The following ANK3 variants were observed in gnomAD, a reference collection of about 807,000 sequenced individuals.
The protein encoded by ANK3 is ankyrin-3.
ANK3 carries 57 observed loss-of-function variants against 370.9 expected under a neutral mutation model. The observed-to-expected ratio is 0.15, with a 90% CI of 0.12 to 0.19. ANK3 has a LOEUF of 0.19. Ranked by LOEUF, ANK3 falls within the 10% of genes least tolerant of loss-of-function variation. ANK3 has a pLI of 1.00. For synonymous variants in ANK3, 1,929 were observed against 1,946.3 expected, an observed-to-expected ratio of 0.99 and a Z score of 0.23; for missense variants, 4,439 against 5,302.1, an observed-to-expected ratio of 0.84 and a Z score of 5.06.
At position 60,584,286 on chromosome 10, in the gene ANK3, G is replaced by A. The variant is rs146269157; in HGVS notation, c.96+30900C>T. On this transcript the variant is annotated intron_variant, in intron 2 of 43. Coordinates refer to the ANK3 transcript ENST00000373827. ...AATAGCTATCTGGTGTCAAAACTAC[G>A]TCATCAAAATGTCCTTAGCATTTTG... 6.0e-4 allele frequency among the ~76,000 whole-genome samples: 92 copies of A among 152,222 alleles called. 1 individual carries two copies. The highest frequency in any genetic ancestry group is 1.9e-3 in the African/African-American group (77 of 41,518).
At position 60,544,710 on chromosome 10, in the gene ANK3, T is replaced by A. The variant is rs2076922618; in HGVS notation, c.96+70476A>T. 2.0e-5 allele frequency among the ~76,000 whole-genome samples: 3 copies of A among 152,174 alleles called. No homozygotes were observed. The South Asian group carries it at 6.2e-4, about 32-fold the overall frequency. ...GTAAAATTAGTAAGTTCTAGCCATA[T>A]TCTCTCATTTATAAGGCTGTCTTGA... On this transcript the variant is annotated intron_variant, in intron 2 of 43. Transcript: ENST00000373827.
In ANK3 at chr10:60,073,738, A is replaced by C; in HGVS notation, c.7143T>G (p.Asp2381Glu). Residue 2381 changes from aspartate to glutamate, a missense_variant, in exon 37 of 44, where the codon GAT (aspartate) becomes GAG (glutamate). By Grantham distance (45) the Asp-to-Glu change is conservative. Transcript: ENST00000280772. Reference protein sequence around the residue: ...NLKDFLPEKHDAFPCSEEQGQ... With the variant: ...NLKDFLPEKHEAFPCSEEQGQ... ...CCTGTTCCTCTGAACAAGGAAAAGC[A>C]TCGTGTTTTTCTGGCAGAAAATCTT... is the stretch of plus-strand genomic sequence containing the variant. 1 of 1,613,972 alleles carries C rather than the reference A, an allele frequency of 6.2e-7. No individual in the cohort carries two copies. Among genetic ancestry groups the C allele is most frequent in the South Asian group, 1.1e-5 (1 of 91,084 alleles).
chr10:60,104,990 G>T (rs2091961646), intron 28 of ANK3, among the ~76,000 whole-genome samples: 1 of 152,090 alleles, frequency 6.6e-6, no homozygotes, highest in South Asian at 2.1e-4. Flanking sequence ...TCGCTCCTTT[G>T]TTCACACCTT....
At chr10:60,383,857 T>C (rs1211087933) in intron 1 of ANK3, among the ~76,000 whole-genome samples, 1 of 152,202 alleles carries the variant, frequency 6.6e-6, no homozygotes. Context: ...GGAAAGCCTG[T>C]AAAACATCAG....
chr10:60,072,470 G>C lies in ANK3; in HGVS notation c.8411C>G (p.Ser2804Cys). The C allele has an allele frequency of 6.2e-7, 1 of 1,614,018 alleles. No homozygotes were observed. The highest frequency in any genetic ancestry group is 1.7e-4 in the Middle Eastern group (1 of 6,060). ...AQSNEIVVND[S>C]GSDNVKKQRT... is the part of the protein sequence containing the mutation. Reference sequence around the variant, plus strand: ...CTGTTTTTTCACATTATCAGAGCCAGAATCATTTACAACAATTTCGTTGCT... The same window carrying C: ...CTGTTTTTTCACATTATCAGAGCCACAATCATTTACAACAATTTCGTTGCT... The change falls in exon 37 of 44, where the codon TCT (serine) becomes TGT (cysteine). Residue 2804 changes from serine (S) to cysteine (C), a missense_variant. Ser to Cys is a moderately radical substitution (Grantham distance 112, BLOSUM62 -1). Transcript: ENST00000280772.
intron 8 of ANK3, among the ~76,000 whole-genome samples, chr10:60,224,475 G>A (rs991790219): frequency 1.3e-5 from 2 of 152,118 alleles, no homozygotes; most frequent in Non-Finnish European, 2.9e-5. Flanking sequence ...TGATTTTTCT[G>A]AAAAGCATGA....
At position 60,146,082 on chromosome 10, in the gene ANK3, T is replaced by G. The variant is rs981902464; in HGVS notation, c.2615-6995A>C. ...CAAAACAAAATATAGGGACCACAGA[T>G]CAGTCATATAAGCTCTATGTTCCAT... On this transcript the variant is annotated intron_variant, in intron 23 of 43. Coordinates refer to ENST00000280772, the MANE Select transcript of ANK3 (RefSeq NM_020987.5). The G allele has an allele frequency of 3.3e-6, 5 of 1,526,854 alleles. No homozygotes were observed. The South Asian group carries it at 3.6e-5, about 11-fold the overall frequency. The allele number at this position is 1,526,854 out of a possible 1,614,324, so 94.6% of individuals were successfully genotyped here.
intron 2 of ANK3, among the ~76,000 whole-genome samples, chr10:60,592,037 A>G (rs1276458043): frequency 3.9e-5 from 6 of 152,322 alleles, no homozygotes; most frequent in Admixed American, 3.3e-4. Flanking sequence ...ACTATAGTCA[A>G]TAATAATTTA....
intron 2 of ANK3, among the ~76,000 whole-genome samples, chr10:60,515,498 A>G (rs1230181966): frequency 6.6e-6 from 1 of 152,232 alleles, no homozygotes; most frequent in African/African-American, 2.4e-5. Context: ...GCAGTGATAG[A>G]CAAGGCCTAG....
At chr10:60,039,362 G>A (rs555898200) in intron 43 of ANK3, among the ~76,000 whole-genome samples, 1 of 152,142 alleles carries the variant, frequency 6.6e-6, no homozygotes. Context: ...CTTTTATCTG[G>A]GGATCTTCCC....
At chr10:60,364,693 A>T (rs1158416797) in intron 1 of ANK3, among the ~76,000 whole-genome samples, 7 of 152,118 alleles carry the variant, frequency 4.6e-5, no homozygotes, top group African/African-American at 7.2e-5. Context: ...AAGTATAATT[A>T]AAAAATGGAC....
In ANK3 at chr10:60,178,140, C is replaced by T. The variant is rs550961423; in HGVS notation, c.2184+3189G>A. Reference sequence around the variant, plus strand: ...AGGATAAAAAGCTGGACAGCTTAGCCTGGTACATTAAGGCCCTCTGAGATC... The same window carrying T: ...AGGATAAAAAGCTGGACAGCTTAGCTTGGTACATTAAGGCCCTCTGAGATC... On this transcript the variant is annotated intron_variant, in intron 18 of 43. Coordinates refer to ENST00000280772, the MANE Select transcript of ANK3 (RefSeq NM_020987.5). Among the ~76,000 whole-genome samples, 55 of 152,294 alleles carry T rather than the reference C, an allele frequency of 3.6e-4. 1 individual carries two copies. In the South Asian group the frequency reaches 8.9e-3, roughly 25 times the overall value.
chr10:60,618,919 G>A (rs2078299252), intron 1 of ANK3, among the ~76,000 whole-genome samples: 1 of 151,906 alleles, frequency 6.6e-6, no homozygotes, highest in Non-Finnish European at 1.5e-5. Flanking sequence ...AGCAACTGTT[G>A]AAAAATTGAC....
chr10:60,217,946 G>T (rs749001620), intron 8 of ANK3, among the ~76,000 whole-genome samples: 3 of 152,084 alleles, frequency 2.0e-5, no homozygotes, highest in South Asian at 2.1e-4. Context: ...CTTTTATTGG[G>T]TGCCTATATA....
rs570225174 is a variant in ANK3 at position 60,524,967 on chromosome 10, G to A, written c.96+90219C>T. ...AATCAATAATTCAGCACTGTATTTT[G>A]TCAGTTTTTGCTTATTCAAATCATT... is the stretch of plus-strand genomic sequence containing the variant. On this transcript the variant is annotated intron_variant, in intron 2 of 43. Coordinates refer to the ANK3 transcript ENST00000373827. 5.9e-5 allele frequency among the ~76,000 whole-genome samples: 9 copies of A among 152,130 alleles called. 2 individuals carry two copies. In the South Asian group the frequency reaches 1.7e-3, roughly 28 times the overall value.
chr10:60,278,913 T>C lies in ANK3; in HGVS notation c.316-41A>G, dbSNP rs751433620. On this transcript the variant is annotated intron_variant, in intron 3 of 43. Coordinates refer to ENST00000280772, the MANE Select transcript of ANK3 (RefSeq NM_020987.5). Reference sequence around the variant, plus strand: ...CAAGATATATCAACTCATCGATCTTTTGAATTTTCCTGTTCTCCCCAAAGA... The same window carrying C: ...CAAGATATATCAACTCATCGATCTTCTGAATTTTCCTGTTCTCCCCAAAGA... The C allele has an allele frequency of 1.7e-5, 27 of 1,602,164 alleles. No individual in the cohort carries two copies. The Admixed American group carries it at 2.5e-4, about 15-fold the overall frequency.
intron 27 of ANK3, chr10:60,108,204 C>G (rs768375932): frequency 2.2e-6 from 1 of 447,638 alleles, no homozygotes; most frequent in South Asian, 1.6e-5. Flanking sequence ...AATTTTGTTC[C>G]TTGAGGCCCA....
chr10:60,673,481 G>T (rs2079086980), intron 1 of ANK3, among the ~76,000 whole-genome samples: 1 of 152,038 alleles, frequency 6.6e-6, no homozygotes, highest in African/African-American at 2.4e-5. Context: ...CTCCCGAGTA[G>T]CTGGGATTAC....
chr10:60,647,766 G>A (rs7920170), intron 1 of ANK3, among the ~76,000 whole-genome samples: 102,872 of 151,892 alleles, frequency 0.68, 34,976 homozygotes, highest in South Asian at 0.83. Context: ...ACAGAATAGA[G>A]GAAAACATTT....
Sources: allele counts gnomAD v4.1 joint callset (sites outside exome capture counted in the v4.1 genomes callset), GRCh38; gene constraint gnomAD v4.1.1; transcripts MANE v1.5; gene names NCBI Gene and HGNC (gene_info 2026-07-23, HGNC 2026-07-21).